CDK5RAP2: variants seen among roughly 807,000 people sequenced by gnomAD.
CDK5RAP2 encodes the protein CDK5 regulatory subunit associated protein 2, also known as CDK5 regulatory subunit-associated protein 2.
In CDK5RAP2, 147 loss-of-function variants were observed where a neutral mutation model predicts 232.9. That is an observed-to-expected ratio of 0.63 (90% CI 0.55 to 0.72). CDK5RAP2 has a LOEUF of 0.72. CDK5RAP2 is among the 30% of genes least tolerant of loss of function. The pLI, the probability that CDK5RAP2 is intolerant of heterozygous loss-of-function variation, is 0.00. For missense variants in CDK5RAP2, 2,195 were observed against 2,231.5 expected, an observed-to-expected ratio of 0.98 and a Z score of 0.33; for synonymous variants, 833 against 833.7, an observed-to-expected ratio of 1.00 and a Z score of 0.01.
At chr9:120,405,058 C>A (rs1272890569) in intron 32 of CDK5RAP2, among the ~76,000 whole-genome samples, 1 of 152,194 alleles carries the variant, frequency 6.6e-6, no homozygotes, top group African/African-American at 2.4e-5. Flanking sequence ...CCCTTCCGAG[C>A]TCCTGCACCA....
chr9:120,577,745 A>T (rs2043088354), intron 1 of CDK5RAP2, among the ~76,000 whole-genome samples: 1 of 152,166 alleles, frequency 6.6e-6, no homozygotes, highest in African/African-American at 2.4e-5. Flanking sequence ...GATGATAAAC[A>T]CTGAGGCTCA....
intron 5 of CDK5RAP2, 39 bp downstream of exon 5, chr9:120,545,675 T>C (rs2041811728): frequency 6.6e-7 from 1 of 1,511,660 alleles, no homozygotes; most frequent in East Asian, 2.3e-5. Context: ...CAACCCAGTG[T>C]GGGCGACTTG....
At chr9:120,489,747 C>A (rs928106259) in intron 13 of CDK5RAP2, among the ~76,000 whole-genome samples, 11 of 151,306 alleles carry the variant, frequency 7.3e-5, no homozygotes, top group African/African-American at 1.9e-4. Context: ...GTTTTCTCCT[C>A]CTTGCATGTT....
chr9:120,558,988 T>C (rs1432123907), intron 3 of CDK5RAP2, among the ~76,000 whole-genome samples: 1 of 152,210 alleles, frequency 6.6e-6, no homozygotes, highest in African/African-American at 2.4e-5. Context: ...GTTCAACAAA[T>C]TGTTAAATGA....
chr9:120,465,955 C>A (rs1441456592), intron 18 of CDK5RAP2, among the ~76,000 whole-genome samples: 2 of 152,166 alleles, frequency 1.3e-5, no homozygotes, highest in African/African-American at 4.8e-5. Flanking sequence ...ACAGAAGGAA[C>A]ACTTCCAAAC....
chr9:120,504,040 T>C (rs1414758399), intron 12 of CDK5RAP2, among the ~76,000 whole-genome samples: 1 of 152,200 alleles, frequency 6.6e-6, no homozygotes, highest in African/African-American at 2.4e-5. Context: ...TCACTCCTGC[T>C]ATCCCCAGAG....
At chr9:120,579,792 G>A (rs554176658) in intron 1 of CDK5RAP2, 128 bp downstream of exon 1, 4 of 736,248 alleles carry the variant, frequency 5.4e-6, no homozygotes, top group Non-Finnish European at 9.5e-6. Context: ...CCTCTCCGAA[G>A]GAACCCACCC....
At position 120,445,991 on chromosome 9, in the gene CDK5RAP2, T is replaced by C. The variant is rs1470769310; in HGVS notation, c.3025+1904A>G. Among the ~76,000 whole-genome samples, 5 of 152,296 alleles carry C rather than the reference T, an allele frequency of 3.3e-5. No individual in the cohort carries two copies. In the South Asian group the frequency reaches 8.3e-4, roughly 25 times the overall value. On this transcript the variant is annotated intron_variant, in intron 22 of 37. Transcript: ENST00000349780. ...CTTCAGTCTTTCTCATCTCAGTGAATGACAACTCCATCCTTCCAAAGGTTC... is the reference window on the plus strand; with the variant it reads ...CTTCAGTCTTTCTCATCTCAGTGAACGACAACTCCATCCTTCCAAAGGTTC...
At chr9:120,458,739 G>A in intron 19 of CDK5RAP2, 117 bp from the exon 20 acceptor site, 1 of 902,926 alleles carries the variant, frequency 1.1e-6, no homozygotes, top group Admixed American at 1.9e-5. Context: ...GACACACTGA[G>A]CCAGAGAGAA....
intron 35 of CDK5RAP2, among the ~76,000 whole-genome samples, chr9:120,397,545 A>T (rs865793282): frequency 0.014 from 1,417 of 104,586 alleles, 65 homozygotes; most frequent in African/African-American, 0.059. Context: ...AAACATTCTT[A>T]AAAAAAAAAA....
chr9:120,399,520 A>AG (rs1428716166), intron 35 of CDK5RAP2, among the ~76,000 whole-genome samples: 1 of 152,244 alleles, frequency 6.6e-6, no homozygotes, highest in East Asian at 1.9e-4. Flanking sequence ...TGGAGGAATC[A>AG]GGGAGCCCTC....
chr9:120,571,839 A>T lies in CDK5RAP2; in HGVS notation c.127+135T>A, dbSNP rs2042865097. The T allele has an allele frequency of 2.2e-5, 16 of 724,166 alleles. No individual in the cohort carries two copies. In the South Asian group the frequency reaches 2.4e-4, roughly 11 times the overall value. The allele number at this position is 724,166 out of a possible 1,614,324, so 44.9% of individuals were successfully genotyped here. A position where few individuals can be genotyped will look rare whatever the true frequency, so the allele number is the denominator to read the frequency against. On this transcript the variant is annotated intron_variant, in intron 2 of 37. Coordinates refer to ENST00000349780, the MANE Select transcript of CDK5RAP2 (RefSeq NM_018249.6). ...GGAAAGCAAATCAATACATACAAAAAATACTGAGCACCTACGGTGTGCCAG... is the reference window on the plus strand; with the variant it reads ...GGAAAGCAAATCAATACATACAAAATATACTGAGCACCTACGGTGTGCCAG...
chr9:120,520,061 A>G (rs1266404332), intron 11 of CDK5RAP2, among the ~76,000 whole-genome samples: 2 of 152,274 alleles, frequency 1.3e-5, no homozygotes, highest in East Asian at 3.8e-4. Context: ...ACATATGATT[A>G]TCAAATATAT....
Position 120,579,940 on chromosome 9 carries a change from A to G in CDK5RAP2, c.39T>C (p.Pro13=), listed in dbSNP as rs755003940. 3.7e-6 allele frequency: 6 copies of G among 1,613,552 alleles called. No individual in the cohort carries two copies. Among genetic ancestry groups the G allele is most frequent in the Non-Finnish European group, 5.1e-6 (6 of 1,179,454 alleles). Residue 13 remains proline (P), a synonymous_variant, in exon 1 of 38, where the codon CCT becomes CCC. Transcript: ENST00000349780. The part of the protein sequence containing the change: ...DLVLEEDVTV[P]GTLSGCSGLV... ...CGCACCTGCAGCCGCTGAGCGTCCC[A>G]GGGACGGTGACGTCCTCTTCCAACA...
At chr9:120,476,611 G>A (rs1459310481) in intron 15 of CDK5RAP2, among the ~76,000 whole-genome samples, 5 of 151,524 alleles carry the variant, frequency 3.3e-5, no homozygotes, top group Non-Finnish European at 5.9e-5. Context: ...CCCGGGAGGC[G>A]GAGGTTGCAG....
At chr9:120,516,508 A>G (rs912946961) in intron 12 of CDK5RAP2, among the ~76,000 whole-genome samples, 1 of 152,112 alleles carries the variant, frequency 6.6e-6, no homozygotes, top group African/African-American at 2.4e-5. Context: ...CTAAAACTTA[A>G]AGTATAATAA....
chr9:120,536,220 T>C, intron 7 of CDK5RAP2, 152 bp downstream of exon 7: 1 of 746,602 alleles, frequency 1.3e-6, no homozygotes, highest in East Asian at 2.6e-5. Context: ...TAGTTTTCTA[T>C]CTAACTGTGT....
At chr9:120,487,946 A>G (rs541873796) in intron 13 of CDK5RAP2, among the ~76,000 whole-genome samples, 1 of 152,318 alleles carries the variant, frequency 6.6e-6, no homozygotes, top group South Asian at 2.1e-4. Flanking sequence ...TTCCAGGAAA[A>G]AAAGCCAAGA....
In CDK5RAP2 at chr9:120,445,910, C is replaced by T. The variant is rs117004557; in HGVS notation, c.3025+1985G>A. On this transcript the variant is annotated intron_variant, in intron 22 of 37. Coordinates refer to ENST00000349780, the MANE Select transcript of CDK5RAP2 (RefSeq NM_018249.6). ...CCACCGGAATGGTCAACAGGCATCT[C>T]GAGTATGTCCAAACCAGACCCCTAA... Among the ~76,000 whole-genome samples the T allele has an allele frequency of 4.2e-3, 647 of 152,328 alleles. 4 individuals are homozygous for T. The highest frequency in any genetic ancestry group is 6.1e-3 in the Non-Finnish European group (415 of 68,038).
Sources: gnomAD v4.1 joint callset for allele counts (sites outside exome capture counted in the v4.1 genomes callset) on GRCh38, gnomAD v4.1.1 for gene constraint, MANE v1.5 for transcripts, NCBI Gene and HGNC (gene_info 2026-07-23, HGNC 2026-07-21) for gene names.